The following SCAF8 variants were observed in gnomAD, a reference collection of about 807,000 sequenced individuals.
The protein encoded by SCAF8 is SR-related CTD associated factor 8, also known as SR-related and CTD-associated factor 8.
Under a neutral mutation model 140.5 loss-of-function variants are expected in SCAF8, and 23 were observed. That is an observed-to-expected ratio of 0.16 (90% CI 0.12 to 0.23). The LOEUF is 0.23. SCAF8 is among the 10% of genes least tolerant of loss of function. The probability of loss-of-function intolerance (pLI) is 1.00; values close to 1 mark genes in which losing one functional copy is unlikely to be tolerated. For synonymous variants in SCAF8, 575 were observed against 528.9 expected, an observed-to-expected ratio of 1.09 and a Z score of -1.20; for missense variants, 1,397 against 1,555.7, an observed-to-expected ratio of 0.90 and a Z score of 1.72.
chr6:154,775,831 T>C (rs1194804114), intron 2 of SCAF8, among the ~76,000 whole-genome samples: 1 of 152,006 alleles, frequency 6.6e-6, no homozygotes, highest in Non-Finnish European at 1.5e-5. Flanking sequence ...CTGTTTTTAA[T>C]GTTTTGAATT....
chr6:154,794,107 G>A (rs1033171067), intron 5 of SCAF8, among the ~76,000 whole-genome samples: 2 of 151,730 alleles, frequency 1.3e-5, no homozygotes, highest in African/African-American at 4.8e-5. Context: ...TGTTGTTATT[G>A]TTGTTAGAGA....
intron 8 of SCAF8, 95 bp from the exon 9 acceptor site, chr6:154,805,274 T>C: frequency 3.0e-6 from 2 of 668,764 alleles, no homozygotes; most frequent in Non-Finnish European, 5.2e-6. Context: ...ATATGTTTTA[T>C]TGAATTGACT....
Position 154,808,148 on chromosome 6 carries a change from C to G in SCAF8, c.1060C>G (p.His354Asp). 4 of 1,613,912 alleles carry G rather than the reference C, an allele frequency of 2.5e-6. No homozygotes were observed. The East Asian group carries it at 8.9e-5, about 36-fold the overall frequency. The change falls in exon 10 of 20, where the codon CAT (histidine) becomes GAT (aspartate). Residue 354 changes from histidine (H) to aspartate (D), a missense_variant. Physicochemically the swap from His to Asp is moderately conservative, Grantham distance 81 (BLOSUM62 -1). Coordinates refer to ENST00000367178, the MANE Select transcript of SCAF8 (RefSeq NM_014892.5). Reference sequence around the variant, plus strand: ...ACCATCACAAGGGAGTAGTCAGCAGCATTTTCTTGAACCTGAAGTCAATTT... The same window carrying G: ...ACCATCACAAGGGAGTAGTCAGCAGGATTTTCTTGAACCTGAAGTCAATTT... ...ASPSQGSSQQ[H>D]FLEPEVNLDD...
At chr6:154,793,746 C>T (rs1359044714) in intron 5 of SCAF8, among the ~76,000 whole-genome samples, 1 of 131,926 alleles carries the variant, frequency 7.6e-6, no homozygotes, top group Non-Finnish European at 1.5e-5. Context: ...ACCCAGGAGG[C>T]GGAGGTTGCA....
chr6:154,765,699 G>A (rs1253778930), intron 1 of SCAF8, among the ~76,000 whole-genome samples: 1 of 85,178 alleles, frequency 1.2e-5, no homozygotes, highest in African/African-American at 1.1e-4. Context: ...GATTTAAGTA[G>A]ATTATTTAAT....
intron 16 of SCAF8, 83 bp from the exon 17 acceptor site, chr6:154,824,151 A>G: frequency 7.3e-7 from 1 of 1,378,838 alleles, no homozygotes; most frequent in East Asian, 2.3e-5. Flanking sequence ...ATCCTGAAAG[A>G]GAAATAGAAT....
intron 12 of SCAF8, among the ~76,000 whole-genome samples, chr6:154,815,359 A>G (rs1367598344): frequency 6.6e-6 from 1 of 152,126 alleles, no homozygotes; most frequent in Non-Finnish European, 1.5e-5. Flanking sequence ...TGGGTTTGAA[A>G]CTTTGTTGCA....
intron 17 of SCAF8, among the ~76,000 whole-genome samples, chr6:154,826,075 C>T (rs1386332705): frequency 4.0e-5 from 6 of 151,880 alleles, no homozygotes; most frequent in Non-Finnish European, 8.8e-5. Flanking sequence ...TTTAGCAAGA[C>T]TAAAAAATAA....
Position 154,833,398 on chromosome 6 carries a change from A to G in SCAF8, c.*3A>G, listed in dbSNP as rs1359024659. 3 of 1,609,860 alleles carry G rather than the reference A, an allele frequency of 1.9e-6. No homozygotes were observed. Among genetic ancestry groups the G allele is most frequent in the Non-Finnish European group, 2.5e-6 (3 of 1,178,374 alleles). The stretch of plus-strand genomic sequence containing the variant: ...GCACAGAAACTGAGGGGACATAATC[A>G]TCACTCAGTAGGTAAAAGATACCTT... On this transcript the variant is annotated 3_prime_UTR_variant, in exon 20 of 20. Coordinates refer to ENST00000367178, the MANE Select transcript of SCAF8 (RefSeq NM_014892.5).
chr6:154,733,994 G>A (rs1778337972), intron 1 of SCAF8, 64 bp downstream of exon 1: 1 of 1,453,552 alleles, frequency 6.9e-7, no homozygotes, highest in Non-Finnish European at 9.1e-7. Context: ...GTCGAGGCCG[G>A]GGCCCGGAGG....
intron 1 of SCAF8, among the ~76,000 whole-genome samples, chr6:154,738,026 G>A (rs1263434184): frequency 1.3e-5 from 2 of 151,912 alleles, no homozygotes; most frequent in African/African-American, 4.8e-5. Flanking sequence ...AGAGACTTTA[G>A]GAATACAGAT....
At chr6:154,813,994 T>C (rs902681147) in intron 12 of SCAF8, among the ~76,000 whole-genome samples, 1 of 152,216 alleles carries the variant, frequency 6.6e-6, no homozygotes, top group African/African-American at 2.4e-5. Flanking sequence ...TATAAGAGAA[T>C]ATATTTGTTT....
intron 1 of SCAF8, among the ~76,000 whole-genome samples, chr6:154,734,408 C>T (rs994108056): frequency 6.6e-6 from 1 of 152,116 alleles, no homozygotes; most frequent in African/African-American, 2.4e-5. Context: ...TCTGTGGTCA[C>T]GTTACACGTA....
intron 6 of SCAF8, among the ~76,000 whole-genome samples, chr6:154,799,063 C>T (rs1043397389): frequency 1.3e-5 from 2 of 150,642 alleles, no homozygotes; most frequent in Non-Finnish European, 1.5e-5. Context: ...GCTCACTGCA[C>T]CCTCCGCCTC....
chr6:154,746,912 CT>C (rs2114800864), intron 1 of SCAF8, among the ~76,000 whole-genome samples: 1 of 152,176 alleles, frequency 6.6e-6, no homozygotes, highest in East Asian at 1.9e-4. Flanking sequence ...TAATCATTTA[CT>C]TTTCCTAGCT....
rs544498913 is a variant in SCAF8, at chr6:154,780,302, G to A, written c.159+2257G>A. Among the ~76,000 whole-genome samples the A allele has an allele frequency of 1.1e-4, 16 of 149,674 alleles. 1 individual carries two copies. Among genetic ancestry groups the A allele is most frequent in the South Asian group, 8.5e-4 (4 of 4,712 alleles). The stretch of plus-strand genomic sequence containing the variant: ...TTGAGATTGACTTATTTTGCCCAGC[G>A]TAATTCTTTTGAGATCTAACCAAGT... On this transcript the variant is annotated intron_variant, in intron 3 of 19. Transcript: ENST00000367178.
intron 4 of SCAF8, among the ~76,000 whole-genome samples, chr6:154,790,686 A>G (rs1049714599): frequency 6.6e-6 from 1 of 151,320 alleles, no homozygotes; most frequent in East Asian, 1.9e-4. Context: ...AATGTTTTGT[A>G]TTTTTAGTAG....
intron 8 of SCAF8, 87 bp downstream of exon 8, chr6:154,803,710 G>A (rs1777835423): frequency 1.3e-6 from 1 of 787,636 alleles, no homozygotes; most frequent in East Asian, 2.6e-5. Context: ...AGTAAGTTGG[G>A]ATTATTATTT....
chr6:154,740,620 TTTTTC>T lies in SCAF8; in HGVS notation c.30+6695_30+6699del, dbSNP rs1197463084. Among the ~76,000 whole-genome samples, 180 of 112,728 alleles carry T rather than the reference TTTTTC, an allele frequency of 1.6e-3. 1 individual carries two copies. Among genetic ancestry groups the T allele is most frequent in the African/African-American group, 5.7e-3 (159 of 27,870 alleles). 74.0% of individuals were successfully genotyped at this position (112,728 alleles called of 152,430 possible). On this transcript the variant is annotated intron_variant, in intron 1 of 19. Transcript: ENST00000367178. ...AGTAAAGATTTTCTTTTTCTTTTTC[TTTTTC>T]TTTTTTTTTTTTTTGAGACTGGGTC... is the stretch of plus-strand genomic sequence containing the variant.
Sources: allele counts gnomAD v4.1 joint callset (sites outside exome capture counted in the v4.1 genomes callset), GRCh38; gene constraint gnomAD v4.1.1; transcripts MANE v1.5; gene names NCBI Gene and HGNC (gene_info 2026-07-23, HGNC 2026-07-21).